Variants in CACNA1C observed in about 807,000 individuals in gnomAD.
CACNA1C encodes calcium voltage-gated channel subunit alpha1 C.
A neutral mutation model predicts 229.0 loss-of-function variants in CACNA1C; 30 were observed. The ratio of observed to expected loss-of-function variants is 0.13; its 90% CI spans 0.10 to 0.18. CACNA1C has a LOEUF of 0.18. Among genes scored for constraint, CACNA1C ranks in the 10% least tolerant of loss-of-function variants. The pLI is 1.00. For missense variants in CACNA1C, 1,658 were observed against 2,845.0 expected, an observed-to-expected ratio of 0.58 and a Z score of 9.49; for synonymous variants, 1,114 against 1,132.5, an observed-to-expected ratio of 0.98 and a Z score of 0.33.
chr12:2,634,474 C>A, intron 30 of CACNA1C, 94 bp downstream of exon 30: 1 of 495,608 alleles, frequency 2.0e-6, no homozygotes, highest in South Asian at 5.5e-5. Flanking sequence ...TTTTCTCTCC[C>A]CACCTTCTTA....
intron 3 of CACNA1C, among the ~76,000 whole-genome samples, chr12:2,370,768 C>G (rs1291221694): frequency 6.6e-6 from 1 of 152,184 alleles, no homozygotes; most frequent in Non-Finnish European, 1.5e-5. Context: ...ACTAACTTAA[C>G]TATTGCATTT....
intron 3 of CACNA1C, among the ~76,000 whole-genome samples, chr12:2,427,479 C>T (rs905824805): frequency 1.3e-5 from 2 of 151,982 alleles, no homozygotes; most frequent in Non-Finnish European, 2.9e-5. Context: ...CACTGGATAG[C>T]CTATGAAGAT....
At chr12:2,061,130 CTTT>C (rs34246535) in intron 1 of CACNA1C, among the ~76,000 whole-genome samples, 2 of 146,898 alleles carry the variant, frequency 1.4e-5, no homozygotes, top group Admixed American at 6.8e-5. Flanking sequence ...AATCAAATCC[CTTT>C]TTTTTTTTTT....
chr12:2,129,535 A>G (rs1045094144), intron 3 of CACNA1C, among the ~76,000 whole-genome samples: 1 of 152,228 alleles, frequency 6.6e-6, no homozygotes, highest in African/African-American at 2.4e-5. Flanking sequence ...TTTATGTAAT[A>G]GAACCCCTTT....
chr12:2,482,392 C>G (rs990618756), intron 5 of CACNA1C, among the ~76,000 whole-genome samples: 5 of 152,228 alleles, frequency 3.3e-5, no homozygotes, highest in African/African-American at 1.2e-4. Context: ...AGGAGCCAGA[C>G]CACCTGGCAC....
In CACNA1C at chr12:2,181,815, T is replaced by C. The variant is rs970463703; in HGVS notation, c.477+61385T>C. Reference sequence around the variant, plus strand: ...TGAGAACACTGGAGCTTAGCGAGGGTAAGTAATGGACTGCAAGGACACTCT... The same window carrying C: ...TGAGAACACTGGAGCTTAGCGAGGGCAAGTAATGGACTGCAAGGACACTCT... On this transcript the variant is annotated intron_variant, in intron 3 of 46. Coordinates refer to ENST00000399655, the MANE Select transcript of CACNA1C (RefSeq NM_000719.7). The surrounding 1 kb of genome is among the most constrained non-coding windows in gnomAD (Gnocchi z 4.0). Among the ~76,000 whole-genome samples the C allele has an allele frequency of 2.6e-5, 4 of 152,082 alleles. No individual in the cohort carries two copies. Among genetic ancestry groups the C allele is most frequent in the Admixed American group, 2.0e-4 (3 of 15,288 alleles).
intron 3 of CACNA1C, among the ~76,000 whole-genome samples, chr12:2,157,856 T>G (rs1459159185): frequency 1.3e-5 from 2 of 152,236 alleles, no homozygotes; most frequent in African/African-American, 4.8e-5. Flanking sequence ...CATTATTTTC[T>G]GTCTTTAGAG....
At chr12:2,363,600 C>G (rs1377174991) in intron 3 of CACNA1C, among the ~76,000 whole-genome samples, 1 of 152,146 alleles carries the variant, frequency 6.6e-6, no homozygotes, top group Non-Finnish European at 1.5e-5. Context: ...CAGCCTCTGC[C>G]TCTCCCCACC....
chr12:2,261,056 C>T (rs2079966554), intron 3 of CACNA1C, among the ~76,000 whole-genome samples: 1 of 151,988 alleles, frequency 6.6e-6, no homozygotes, highest in Non-Finnish European at 1.5e-5. Context: ...TGGTAAAACC[C>T]TGTCTCTACT....
intron 3 of CACNA1C, among the ~76,000 whole-genome samples, chr12:2,329,655 T>C (rs1010816349): frequency 1.3e-5 from 2 of 152,216 alleles, no homozygotes; most frequent in Non-Finnish European, 2.9e-5. Context: ...TTTTTGCTGC[T>C]ATAGATGTTG....
intron 1 of CACNA1C, among the ~76,000 whole-genome samples, chr12:2,096,660 G>A (rs1478153000): frequency 6.6e-6 from 1 of 152,190 alleles, no homozygotes; most frequent in East Asian, 1.9e-4. Flanking sequence ...CGTTCACCAT[G>A]TTGTATAACC....
At chr12:2,071,322 A>G (rs766336717) in intron 1 of CACNA1C, among the ~76,000 whole-genome samples, 82 of 151,078 alleles carry the variant, frequency 5.4e-4, no homozygotes, top group Non-Finnish European at 9.6e-4. Flanking sequence ...GGCTCAAGCA[A>G]TCCTTCCACC....
intron 18 of CACNA1C, among the ~76,000 whole-genome samples, chr12:2,588,645 G>C (rs983716948): frequency 6.6e-5 from 10 of 152,180 alleles, no homozygotes; most frequent in Admixed American, 5.9e-4. Flanking sequence ...CATGGCCCTA[G>C]AATCCTTCCC....
chr12:2,457,606 T>C lies in CACNA1C; in HGVS notation c.657T>C (p.Asp219=). ...TTTTAGAACAAGCAACCAAAGCAGA[T>C]GGGGCAAACGCTCTCGGAGGGAAAG... ...SAILEQATKA[D]GANALGGKGA... The change falls in exon 5 of 47, where the codon GAT becomes GAC. Residue 219 remains aspartate (D), a synonymous_variant. Transcript: ENST00000399655. 6.2e-7 allele frequency: 1 copy of C among 1,613,336 alleles called. No individual in the cohort carries two copies. Among genetic ancestry groups the C allele is most frequent in the Non-Finnish European group, 8.5e-7 (1 of 1,179,558 alleles).
chr12:1,986,294 T>G (rs190794374), intron 1 of CACNA1C, among the ~76,000 whole-genome samples: 1 of 152,094 alleles, frequency 6.6e-6, no homozygotes, highest in African/African-American at 2.4e-5. Context: ...AATTAGGAGA[T>G]CTCCTCATCC....
chr12:2,480,875 G>C (rs2099673263), intron 5 of CACNA1C, among the ~76,000 whole-genome samples: 1 of 152,352 alleles, frequency 6.6e-6, no homozygotes, highest in East Asian at 1.9e-4. Flanking sequence ...CGTCAATGTG[G>C]AATCCAAACA....
chr12:2,107,606 C>G (rs2079644691), intron 1 of CACNA1C, among the ~76,000 whole-genome samples: 1 of 152,238 alleles, frequency 6.6e-6, no homozygotes, highest in Admixed American at 6.5e-5. Context: ...CCCATTTGGC[C>G]ATTGAGAAGA....
intron 9 of CACNA1C, among the ~76,000 whole-genome samples, chr12:2,523,221 CTGTT>C (rs965536560): frequency 7.2e-5 from 11 of 152,002 alleles, no homozygotes; most frequent in African/African-American, 2.4e-4. Context: ...TCTGAGAACT[CTGTT>C]TGAAGCATGG....
At chr12:2,137,004 AC>A (rs1047509897) in intron 3 of CACNA1C, among the ~76,000 whole-genome samples, 6 of 151,350 alleles carry the variant, frequency 4.0e-5, no homozygotes, top group African/African-American at 1.4e-4. Flanking sequence ...CCTTCATGGG[AC>A]CCCAGTCAGT....
Sources: allele counts gnomAD v4.1 joint callset (sites outside exome capture counted in the v4.1 genomes callset), GRCh38; gene constraint gnomAD v4.1.1; non-coding constraint Gnocchi (gnomAD v3.1); transcripts MANE v1.5; gene names NCBI Gene and HGNC (gene_info 2026-07-23, HGNC 2026-07-21).